The following APOBEC2 variants were observed in gnomAD, a reference collection of about 807,000 sequenced individuals.
APOBEC2 encodes C->U-editing enzyme APOBEC-2.
In APOBEC2, 14 loss-of-function variants were observed where a neutral mutation model predicts 19.4. The observed-to-expected ratio is 0.72, with a 90% CI of 0.48 to 1.13. The LOEUF (loss-of-function observed/expected upper bound fraction) is 1.13. APOBEC2 is among the 50% of genes most tolerant of loss of function. The pLI, the probability that APOBEC2 is intolerant of heterozygous loss-of-function variation, is 0.00. For missense variants in APOBEC2, 304 were observed against 277.0 expected (o/e 1.10, Z -0.69); for synonymous variants, 127 against 112.1 (o/e 1.13, Z -0.84).
At position 41,061,474 on chromosome 6, in the gene APOBEC2, A is replaced by T; in HGVS notation, c.278A>T (p.Glu93Val). The T allele has an allele frequency of 6.2e-7, 1 of 1,613,884 alleles. No individual in the cohort carries two copies. The highest frequency in any genetic ancestry group is 8.5e-7 in the Non-Finnish European group (1 of 1,179,846). The change falls in exon 2 of 3, where the codon GAG (glutamate) becomes GTG (valine). Residue 93 changes from glutamate (E) to valine (V), a missense_variant. Glu to Val is a moderately radical substitution (Grantham distance 121). Transcript: ENST00000244669. ...GCATCTCGGGGATACCTAGAGGATG[A>T]GCATGCGGCTGCCCATGCAGAGGAA... is the stretch of plus-strand genomic sequence containing the variant. ...VQASRGYLEDEHAAAHAEEAF... is the reference protein window; with the variant it reads ...VQASRGYLEDVHAAAHAEEAF...
intron 1 of APOBEC2, among the ~76,000 whole-genome samples, chr6:41,053,928 C>G (rs1762762710): frequency 6.6e-6 from 1 of 152,238 alleles, no homozygotes; most frequent in Non-Finnish European, 1.5e-5. Context: ...CTAGCCCTTT[C>G]TTTAGAGCTT....
chr6:41,061,753 A>G lies in APOBEC2; in HGVS notation c.557A>G (p.Tyr186Cys). The G allele has an allele frequency of 1.2e-6, 2 of 1,614,184 alleles. No individual in the cohort carries two copies. The highest frequency in any genetic ancestry group is 2.2e-5 in the South Asian group (2 of 91,086). The change falls in exon 2 of 3, where the codon TAT (tyrosine) becomes TGT (cysteine). Residue 186 changes from tyrosine to cysteine, a missense_variant. Physicochemically the swap from Tyr to Cys is radical, Grantham distance 194. Coordinates refer to ENST00000244669, the MANE Select transcript of APOBEC2 (RefSeq NM_006789.4). ...ATCATGAAGCCCCAGGACTTCGAAT[A>G]TGTCTGGCAGAATTTTGTGGAGCAA... Reference protein sequence around the residue: ...LRIMKPQDFEYVWQNFVEQEE... With the variant: ...LRIMKPQDFECVWQNFVEQEE...
At chr6:41,060,406 A>C (rs140989190) in intron 1 of APOBEC2, among the ~76,000 whole-genome samples, 5 of 152,356 alleles carry the variant, frequency 3.3e-5, no homozygotes, top group African/African-American at 1.2e-4. Context: ...TCCCGAATCA[A>C]GGCCAAACTT....
At chr6:41,054,221 C>T (rs1762767785) in intron 1 of APOBEC2, among the ~76,000 whole-genome samples, 1 of 152,192 alleles carries the variant, frequency 6.6e-6, no homozygotes, top group South Asian at 2.1e-4. Flanking sequence ...CCAGATTATG[C>T]CATCTCCAGG....
At chr6:41,056,846 G>A (rs1762802787) in intron 1 of APOBEC2, among the ~76,000 whole-genome samples, 1 of 152,162 alleles carries the variant, frequency 6.6e-6, no homozygotes. Context: ...GGTTTCTTGA[G>A]GACAGCAGCT....
chr6:41,054,902 G>A (rs1002316237), intron 1 of APOBEC2, among the ~76,000 whole-genome samples: 1 of 152,232 alleles, frequency 6.6e-6, no homozygotes. Context: ...AGGGAGGGTA[G>A]GTCAAGAACA....
Position 41,061,513 on chromosome 6 carries a change from C to T in APOBEC2, c.317C>T (p.Thr106Ile). The change falls in exon 2 of 3, where the codon ACC (threonine) becomes ATC (isoleucine). Residue 106 changes from threonine (T) to isoleucine (I), a missense_variant. Physicochemically the swap from Thr to Ile is moderately conservative, Grantham distance 89. Transcript: ENST00000244669. ...AAHAEEAFFN[T>I]ILPAFDPALR... Reference sequence around the variant, plus strand: ...CATGCAGAGGAAGCTTTCTTCAACACCATCCTGCCAGCCTTCGACCCAGCC... The same window carrying T: ...CATGCAGAGGAAGCTTTCTTCAACATCATCCTGCCAGCCTTCGACCCAGCC... 1 of 1,614,058 alleles carries T rather than the reference C, an allele frequency of 6.2e-7. No individual in the cohort carries two copies. Among genetic ancestry groups the T allele is most frequent in the Non-Finnish European group, 8.5e-7 (1 of 1,179,914 alleles).
At chr6:41,059,764 CTT>C (rs1762848981) in intron 1 of APOBEC2, among the ~76,000 whole-genome samples, 1 of 152,128 alleles carries the variant, frequency 6.6e-6, no homozygotes, top group South Asian at 2.1e-4. Context: ...TTACTCATAT[CTT>C]TGGCATCTGC....
intron 1 of APOBEC2, among the ~76,000 whole-genome samples, chr6:41,058,683 T>C (rs1397335721): frequency 6.6e-6 from 1 of 152,306 alleles, no homozygotes; most frequent in African/African-American, 2.4e-5. Context: ...AGACTTCTAC[T>C]ACCTCTGTTC....
intron 2 of APOBEC2, among the ~76,000 whole-genome samples, chr6:41,063,097 A>G (rs752226325): frequency 1.2e-4 from 18 of 152,238 alleles, no homozygotes; most frequent in Non-Finnish European, 2.2e-4. Context: ...GGAAATATCA[A>G]TGTTCCAGAG....
At position 41,056,784 on chromosome 6, in the gene APOBEC2, T is replaced by C. The variant is rs559825395; in HGVS notation, c.131+3306T>C. Reference sequence around the variant, plus strand: ...AATGACCTAATGAATAAGAACCTTTTGGGTGGTTCTTAGGCTCTCTGTCAG... The same window carrying C: ...AATGACCTAATGAATAAGAACCTTTCGGGTGGTTCTTAGGCTCTCTGTCAG... On this transcript the variant is annotated intron_variant, in intron 1 of 2. Transcript: ENST00000244669. Among the ~76,000 whole-genome samples the C allele has an allele frequency of 7.9e-5, 12 of 152,286 alleles. No homozygotes were observed. The South Asian group carries it at 2.5e-3, about 32-fold the overall frequency.
At chr6:41,062,312 C>T (rs1331449741) in intron 2 of APOBEC2, among the ~76,000 whole-genome samples, 3 of 152,232 alleles carry the variant, frequency 2.0e-5, no homozygotes, top group South Asian at 4.1e-4. Context: ...CTCCCATATC[C>T]ACTGGCAATC....
intron 2 of APOBEC2, 29 bp downstream of exon 2, chr6:41,061,921 C>T (rs771897933): frequency 6.5e-7 from 1 of 1,546,298 alleles, no homozygotes; most frequent in South Asian, 1.2e-5. Context: ...ATGGCACCAA[C>T]ACTTTATTAT....
At position 41,053,413 on chromosome 6, in the gene APOBEC2, G is replaced by A. The variant is rs116667889; in HGVS notation, c.66G>A (p.Glu22=). 510 of 1,614,200 alleles carry A rather than the reference G, an allele frequency of 3.2e-4. 1 individual carries two copies. Among genetic ancestry groups the A allele is most frequent in the Non-Finnish European group, 2.0e-4 (231 of 1,180,032 alleles). The change falls in exon 1 of 3, where the codon GAG becomes GAA. Residue 22 remains glutamate (E), a synonymous_variant. Transcript: ENST00000244669. The stretch of plus-strand genomic sequence containing the variant: ...CCTCCCAGAATGGGGAGGATCTGGA[G>A]AACCTGGACGACCCTGAGAAGCTGA... The part of the protein sequence containing the change: ...EAASQNGEDL[E]NLDDPEKLKE...
chr6:41,061,492 CA>C lies in APOBEC2; in HGVS notation c.297del (p.Glu100ArgfsTer67). On this transcript the variant is annotated frameshift_variant, in exon 2 of 3. Coordinates refer to ENST00000244669, the MANE Select transcript of APOBEC2 (RefSeq NM_006789.4). LOFTEE classifies it high-confidence loss of function. The stretch of plus-strand genomic sequence containing the variant: ...GAGGATGAGCATGCGGCTGCCCATG[CA>C]GAGGAAGCTTTCTTCAACACCATCC... ...YLEDEHAAAH[A>X]EEAFFNTILP... The C allele has an allele frequency of 6.2e-7, 1 of 1,613,906 alleles. No homozygotes were observed. Among genetic ancestry groups the C allele is most frequent in the Non-Finnish European group, 8.5e-7 (1 of 1,179,874 alleles).
intron 1 of APOBEC2, among the ~76,000 whole-genome samples, chr6:41,054,558 G>A (rs1239363828): frequency 6.6e-6 from 1 of 152,192 alleles, no homozygotes; most frequent in Non-Finnish European, 1.5e-5. Context: ...ATAGTAGTAA[G>A]GTCCCTTCCA....
chr6:41,054,167 C>A (rs1353522263), intron 1 of APOBEC2, among the ~76,000 whole-genome samples: 1 of 152,230 alleles, frequency 6.6e-6, no homozygotes, highest in East Asian at 1.9e-4. Flanking sequence ...AAAGGGTCTA[C>A]AGACTGCAAG....
chr6:41,061,703 G>A lies in APOBEC2; in HGVS notation c.507G>A (p.Leu169=). Residue 169 remains leucine (L), a synonymous_variant, in exon 2 of 3, where the codon CTG becomes CTA. Coordinates refer to ENST00000244669, the MANE Select transcript of APOBEC2 (RefSeq NM_006789.4). ...AGATCCAGGCTGCTCTGAAGAAGCT[G>A]AAGGAGGCTGGCTGTAAACTGCGCA... ...EPEIQAALKK[L]KEAGCKLRIM... 1 of 1,614,228 alleles carries A rather than the reference G, an allele frequency of 6.2e-7. No homozygotes were observed. Among genetic ancestry groups the A allele is most frequent in the Non-Finnish European group, 8.5e-7 (1 of 1,180,046 alleles).
intron 2 of APOBEC2, among the ~76,000 whole-genome samples, chr6:41,062,386 G>T (rs1471934718): frequency 6.6e-6 from 1 of 152,098 alleles, no homozygotes; most frequent in African/African-American, 2.4e-5. Context: ...TTTCACTTAT[G>T]GTAATTTTGA....
Sources: gnomAD v4.1 joint callset for allele counts (sites outside exome capture counted in the v4.1 genomes callset) on GRCh38, gnomAD v4.1.1 for gene constraint, MANE v1.5 for transcripts, NCBI Gene and HGNC (gene_info 2026-07-23, HGNC 2026-07-21) for gene names.